The following KCNMA1 variants were observed in gnomAD, a reference collection of about 807,000 sequenced individuals.
KCNMA1 encodes the protein potassium calcium-activated channel subfamily M alpha 1, also known as Calcium-activated potassium channel subunit alpha-1.
A neutral mutation model predicts 140.0 loss-of-function variants in KCNMA1; 29 were observed. That is an observed-to-expected ratio of 0.21 (90% confidence interval 0.15 to 0.28). The LOEUF is 0.28. Ranked by LOEUF, KCNMA1 falls within the 10% of genes least tolerant of loss-of-function variation. KCNMA1 has a pLI of 1.00. For missense variants in KCNMA1, 880 were observed against 1,602.2 expected (o/e 0.55, Z 7.70); for synonymous variants, 612 against 611.9 (o/e 1.00, Z 0.00).
At chr10:77,248,178 A>C (rs946766943) in intron 3 of KCNMA1, among the ~76,000 whole-genome samples, 2 of 152,216 alleles carry the variant, frequency 1.3e-5, no homozygotes, top group African/African-American at 4.8e-5. Context: ...GAAGTAAAAT[A>C]ACTACCTAGC....
intron 19 of KCNMA1, among the ~76,000 whole-genome samples, chr10:76,975,854 G>T (rs1304151031): frequency 2.0e-5 from 3 of 152,136 alleles, no homozygotes; most frequent in Admixed American, 6.5e-5. Context: ...TTGTTGCCCA[G>T]GCTGGTGTGC....
At chr10:77,050,316 G>A (rs1430014257) in intron 14 of KCNMA1, among the ~76,000 whole-genome samples, 1 of 151,650 alleles carries the variant, frequency 6.6e-6, no homozygotes, top group Non-Finnish European at 1.5e-5. Flanking sequence ...AAAAAAAACT[G>A]GGAGAAGAGG....
At chr10:76,949,626 A>G (rs1234906526) in intron 21 of KCNMA1, among the ~76,000 whole-genome samples, 1 of 152,244 alleles carries the variant, frequency 6.6e-6, no homozygotes, top group Non-Finnish European at 1.5e-5. Context: ...CAAAAGATTT[A>G]AGAAAGGTAT....
intron 17 of KCNMA1, among the ~76,000 whole-genome samples, chr10:77,014,921 G>T (rs1201311742): frequency 6.6e-6 from 1 of 152,138 alleles, no homozygotes; most frequent in African/African-American, 2.4e-5. Flanking sequence ...CCTGAGCAAC[G>T]GAGTTTCGCT....
chr10:77,438,101 T>G (rs971407928), intron 1 of KCNMA1, among the ~76,000 whole-genome samples: 2 of 152,116 alleles, frequency 1.3e-5, no homozygotes, highest in African/African-American at 4.8e-5. Context: ...CCCACTGTGT[T>G]GCCTAGAGTG....
intron 9 of KCNMA1, among the ~76,000 whole-genome samples, chr10:77,096,623 C>T (rs960686549): frequency 2.6e-5 from 4 of 152,166 alleles, no homozygotes; most frequent in Non-Finnish European, 5.9e-5. Flanking sequence ...ATACTATATC[C>T]ATTTTTACTG....
chr10:77,105,331 C>T (rs953844619), intron 9 of KCNMA1, among the ~76,000 whole-genome samples: 1 of 152,120 alleles, frequency 6.6e-6, no homozygotes, highest in Non-Finnish European at 1.5e-5. Context: ...AAATGAAATG[C>T]CAATGAAATC....
chr10:77,372,614 C>T (rs567651674), intron 2 of KCNMA1, among the ~76,000 whole-genome samples: 23 of 152,308 alleles, frequency 1.5e-4, no homozygotes, highest in African/African-American at 5.1e-4. Flanking sequence ...CCTGTTTTTC[C>T]CTTGGATGCC....
chr10:76,989,357 A>G (rs1213463698), intron 19 of KCNMA1, among the ~76,000 whole-genome samples: 1 of 152,180 alleles, frequency 6.6e-6, no homozygotes, highest in Non-Finnish European at 1.5e-5. Context: ...AGGTTTCTAC[A>G]CACATAATTG....
At chr10:77,038,203 C>G (rs1298772502) in intron 15 of KCNMA1, among the ~76,000 whole-genome samples, 1 of 152,132 alleles carries the variant, frequency 6.6e-6, no homozygotes, top group East Asian at 1.9e-4. Flanking sequence ...AGCGCTCCGC[C>G]TCCCTCCCTC....
intron 23 of KCNMA1, among the ~76,000 whole-genome samples, chr10:76,934,494 C>T (rs2060031174): frequency 6.6e-6 from 1 of 152,174 alleles, no homozygotes; most frequent in Admixed American, 6.5e-5. Context: ...ACACTCTGCA[C>T]AAGGAATACA....
At chr10:77,508,633 T>A (rs1196521941) in intron 1 of KCNMA1, among the ~76,000 whole-genome samples, 1 of 151,038 alleles carries the variant, frequency 6.6e-6, no homozygotes, top group African/African-American at 2.4e-5. Flanking sequence ...TCTCTTTTTT[T>A]CTTTTTGTAA....
intron 1 of KCNMA1, among the ~76,000 whole-genome samples, chr10:77,424,857 T>C (rs1330107235): frequency 6.6e-6 from 1 of 152,224 alleles, no homozygotes; most frequent in Non-Finnish European, 1.5e-5. Flanking sequence ...AACCCATTCA[T>C]TTCCTTTGTT....
intron 14 of KCNMA1, chr10:77,071,128 G>A (rs987384363): frequency 6.6e-6 from 1 of 152,266 alleles, no homozygotes; most frequent in Admixed American, 6.5e-5. Context: ...GGGATTAGCT[G>A]AGCTGGAGCG....
chr10:77,552,346 G>A (rs532700093), intron 1 of KCNMA1, among the ~76,000 whole-genome samples: 37 of 152,274 alleles, frequency 2.4e-4, no homozygotes, highest in African/African-American at 8.2e-4. Flanking sequence ...GTGTGACCTC[G>A]ATAAGATTAC....
At chr10:77,105,383 A>G (rs2097180096) in intron 9 of KCNMA1, among the ~76,000 whole-genome samples, 2 of 152,234 alleles carry the variant, frequency 1.3e-5, no homozygotes, top group African/African-American at 4.8e-5. Context: ...TTGTACAAAC[A>G]AAACCCTGAT....
At chr10:77,282,297 C>T (rs892955937) in intron 2 of KCNMA1, among the ~76,000 whole-genome samples, 1 of 152,152 alleles carries the variant, frequency 6.6e-6, no homozygotes, top group Non-Finnish European at 1.5e-5. Context: ...CCCAGCCAGG[C>T]TGCACTTTCC....
At chr10:77,007,291 G>A (rs1278096598) in intron 18 of KCNMA1, among the ~76,000 whole-genome samples, 11 of 152,132 alleles carry the variant, frequency 7.2e-5, no homozygotes, top group Non-Finnish European at 1.3e-4. Context: ...CAGCTTTTCT[G>A]CCTTAAACAG....
At chr10:77,622,656 C>T (rs544947227) in intron 1 of KCNMA1, among the ~76,000 whole-genome samples, 1 of 152,184 alleles carries the variant, frequency 6.6e-6, no homozygotes, top group Non-Finnish European at 1.5e-5. Context: ...ATTTTCTAAC[C>T]TGTAAAATGG....
Sources: allele counts gnomAD v4.1 joint callset (sites outside exome capture counted in the v4.1 genomes callset), GRCh38; gene constraint gnomAD v4.1.1; transcripts MANE v1.5; gene names NCBI Gene and HGNC (gene_info 2026-07-23, HGNC 2026-07-21).